The following JAZF1 variants were observed in gnomAD, a reference collection of about 807,000 sequenced individuals.
JAZF1 encodes the protein juxtaposed with another zinc finger protein 1.
JAZF1 carries 8 observed loss-of-function variants against 26.4 expected under a neutral mutation model. That is an observed-to-expected ratio of 0.30 (90% CI 0.18 to 0.55). JAZF1 has a LOEUF of 0.55. Ranked by LOEUF, JAZF1 falls within the 20% of genes least tolerant of loss-of-function variation. The pLI is 0.94. For synonymous variants in JAZF1, 126 were observed against 122.3 expected, an observed-to-expected ratio of 1.03 and a Z score of -0.20; for missense variants, 199 against 322.0, an observed-to-expected ratio of 0.62 and a Z score of 2.92.
chr7:28,123,000 T>TTAA (rs755865689), intron 1 of JAZF1, among the ~76,000 whole-genome samples: 1 of 152,160 alleles, frequency 6.6e-6, no homozygotes, highest in African/African-American at 2.4e-5. Flanking sequence ...CAATCAGTTC[T>TTAA]ATTTATCCTT....
At chr7:27,967,708 C>G (rs888922786) in intron 2 of JAZF1, among the ~76,000 whole-genome samples, 4 of 152,008 alleles carry the variant, frequency 2.6e-5, no homozygotes, top group African/African-American at 9.7e-5. Flanking sequence ...ATTTTTGTTC[C>G]TATTATTTTT....
rs80005826 is a variant in JAZF1 at position 27,847,151 on chromosome 7, C to CTTTT, written c.386-6288_386-6285dup. On this transcript the variant is annotated intron_variant, in intron 3 of 4. Transcript: ENST00000283928. The stretch of plus-strand genomic sequence containing the variant: ...TGCACCACCCCGCCTGGCTTTTTTT[C>CTTTT]TTTTTTTTTTTTTTTTTTAGTAGAG... Among the ~76,000 whole-genome samples, 14 of 136,370 alleles carry CTTTT rather than the reference C, an allele frequency of 1.0e-4. No individual in the cohort carries two copies. In the South Asian group the frequency reaches 2.5e-3, roughly 24 times the overall value. The allele number at this position is 136,370 out of a possible 152,430, so 89.5% of individuals were successfully genotyped here.
At chr7:27,878,898 T>G (rs968913290) in intron 3 of JAZF1, among the ~76,000 whole-genome samples, 4 of 152,218 alleles carry the variant, frequency 2.6e-5, no homozygotes, top group African/African-American at 9.7e-5. Context: ...GGTTTGCAGC[T>G]TCCCCATTTT....
chr7:28,116,420 A>G (rs1430260670), intron 1 of JAZF1, among the ~76,000 whole-genome samples: 1 of 152,146 alleles, frequency 6.6e-6, no homozygotes, highest in Non-Finnish European at 1.5e-5. Context: ...ATCTTTTGGT[A>G]GGTTTGAAAA....
intron 1 of JAZF1, among the ~76,000 whole-genome samples, chr7:28,156,153 C>T (rs1048679911): frequency 6.6e-6 from 1 of 152,226 alleles, no homozygotes; most frequent in Non-Finnish European, 1.5e-5. Context: ...GTGGAACCAT[C>T]GATCCTTAAC....
chr7:27,923,130 G>A lies in JAZF1; in HGVS notation c.189-27714C>T, dbSNP rs139509514. Among the ~76,000 whole-genome samples the A allele has an allele frequency of 5.2e-4, 79 of 152,286 alleles. No homozygotes were observed. In the East Asian group the frequency reaches 9.3e-3, roughly 18 times the overall value. Reference sequence around the variant, plus strand: ...GACTCTGGTGACATTCTAAGACCATGCCTTCTGTGGTTGTTTAGCATAACT... The same window carrying A: ...GACTCTGGTGACATTCTAAGACCATACCTTCTGTGGTTGTTTAGCATAACT... On this transcript the variant is annotated intron_variant, in intron 2 of 4. Coordinates refer to ENST00000283928, the MANE Select transcript of JAZF1 (RefSeq NM_175061.4).
intron 2 of JAZF1, among the ~76,000 whole-genome samples, chr7:27,973,111 G>C (rs1785408828): frequency 6.6e-6 from 1 of 152,048 alleles, no homozygotes; most frequent in Non-Finnish European, 1.5e-5. Flanking sequence ...ACTTGGGGTG[G>C]GGCAGGGTGG....
chr7:28,063,168 G>C (rs1377209394), intron 1 of JAZF1, among the ~76,000 whole-genome samples: 2 of 152,082 alleles, frequency 1.3e-5, no homozygotes, highest in African/African-American at 2.4e-5. Flanking sequence ...CCACAGAAAA[G>C]GGCTGGACTT....
intron 1 of JAZF1, among the ~76,000 whole-genome samples, chr7:28,160,404 A>G (rs1783266420): frequency 6.6e-6 from 1 of 152,004 alleles, no homozygotes. Context: ...TCCCCCATCT[A>G]GAATGTAGGC....
intron 2 of JAZF1, among the ~76,000 whole-genome samples, chr7:27,916,603 A>C (rs963597297): frequency 2.6e-5 from 4 of 152,154 alleles, no homozygotes; most frequent in African/African-American, 7.2e-5. Flanking sequence ...TCCTTAAGTC[A>C]CCTCACAGCC....
chr7:27,914,843 T>G (rs757001583), intron 2 of JAZF1: 3 of 471,068 alleles, frequency 6.4e-6, no homozygotes, highest in Non-Finnish European at 1.3e-5. Context: ...TCACAAGCCA[T>G]GCACTGGGCT....
chr7:27,841,147 C>A (rs908897818), intron 3 of JAZF1: 6 of 338,514 alleles, frequency 1.8e-5, no homozygotes, highest in African/African-American at 1.3e-4. Context: ...CTATGGCAAC[C>A]CAGCCTGTGG....
chr7:27,891,673 C>A (rs965237939), intron 3 of JAZF1, among the ~76,000 whole-genome samples: 1 of 151,900 alleles, frequency 6.6e-6, no homozygotes, highest in South Asian at 2.1e-4. Flanking sequence ...CAAAAAAAGT[C>A]AAAAAATTAA....
chr7:27,837,669 G>C (rs1377597627), intron 4 of JAZF1, among the ~76,000 whole-genome samples: 2 of 152,212 alleles, frequency 1.3e-5, no homozygotes, highest in Non-Finnish European at 2.9e-5. Flanking sequence ...CACTGGAGCT[G>C]TGCTGGAGAA....
intron 1 of JAZF1, among the ~76,000 whole-genome samples, chr7:28,080,515 T>C (rs1357053098): frequency 6.6e-6 from 1 of 152,252 alleles, no homozygotes; most frequent in African/African-American, 2.4e-5. Context: ...GCTTTCAACA[T>C]GCCTTCCTCA....
chr7:27,942,744 G>A (rs900078278), intron 2 of JAZF1, among the ~76,000 whole-genome samples: 2 of 152,130 alleles, frequency 1.3e-5, no homozygotes, highest in African/African-American at 2.4e-5. Context: ...GGGTGATACC[G>A]GCCTGAAAAT....
Position 28,047,087 on chromosome 7 carries a change from G to T in JAZF1, c.116-55106C>A, listed in dbSNP as rs147208813. On this transcript the variant is annotated intron_variant, in intron 1 of 4. Transcript: ENST00000283928. ...TTTTATAGATTTGAAATGTAGTTAT[G>T]TTATGAATTAGGGATCTAAATATCT... Among the ~76,000 whole-genome samples, 489 of 152,216 alleles carry T rather than the reference G, an allele frequency of 3.2e-3. 4 individuals carry two copies. The highest frequency in any genetic ancestry group is 0.011 in the African/African-American group (465 of 41,560).
At chr7:27,855,555 C>A (rs962070301) in intron 3 of JAZF1, among the ~76,000 whole-genome samples, 1 of 152,104 alleles carries the variant, frequency 6.6e-6, no homozygotes, top group Non-Finnish European at 1.5e-5. Context: ...CACAGAAATA[C>A]AAACTACCAT....
intron 2 of JAZF1, among the ~76,000 whole-genome samples, chr7:27,931,964 G>A (rs1425318645): frequency 6.6e-6 from 1 of 152,124 alleles, no homozygotes; most frequent in Non-Finnish European, 1.5e-5. Context: ...AGGTTTGGGT[G>A]ACTTCTTGAA....
Sources: gnomAD v4.1 joint callset for allele counts (sites outside exome capture counted in the v4.1 genomes callset) on GRCh38, gnomAD v4.1.1 for gene constraint, MANE v1.5 for transcripts, NCBI Gene and HGNC (gene_info 2026-07-23, HGNC 2026-07-21) for gene names.